ANKFN1: variants seen among roughly 807,000 people sequenced by gnomAD.
ANKFN1 encodes the protein ankyrin repeat and fibronectin type III domain containing 1, also known as ankyrin repeat and fibronectin type-III domain-containing protein 1.
In ANKFN1, 74 loss-of-function variants were observed where a neutral mutation model predicts 108.7. That is an observed-to-expected ratio of 0.68 (90% CI 0.56 to 0.83). ANKFN1 has a LOEUF of 0.83. Among genes scored for constraint, ANKFN1 ranks in the 40% least tolerant of loss-of-function variants. ANKFN1 has a pLI of 0.00. For synonymous variants in ANKFN1, 547 were observed against 516.2 expected (o/e 1.06, Z -0.81); for missense variants, 1,505 against 1,382.3 (o/e 1.09, Z -1.41).
At chr17:56,363,437 A>T (rs2144729015) in intron 6 of ANKFN1, among the ~76,000 whole-genome samples, 1 of 152,294 alleles carries the variant, frequency 6.6e-6, no homozygotes, top group African/African-American at 2.4e-5. Context: ...GTCGGTGAGG[A>T]TGTGGAGAAA....
Position 56,243,753 on chromosome 17 carries a change from A to G in ANKFN1, c.53+15796A>G, listed in dbSNP as rs1917755211. Among the ~76,000 whole-genome samples, 3 of 152,224 alleles carry G rather than the reference A, an allele frequency of 2.0e-5. No homozygotes were observed. In the South Asian group the frequency reaches 6.2e-4, roughly 32 times the overall value. ...GTTTTCGGTTTAACTTATGATCTGTAGAATGATGTATACACGCACACATAC... is the reference window on the plus strand; with the variant it reads ...GTTTTCGGTTTAACTTATGATCTGTGGAATGATGTATACACGCACACATAC... On this transcript the variant is annotated intron_variant, in intron 3 of 20. Coordinates refer to ENST00000682825, the MANE Select transcript of ANKFN1 (RefSeq NM_001370326.1).
intron 3 of ANKFN1, among the ~76,000 whole-genome samples, chr17:56,234,741 C>G (rs951298408): frequency 1.3e-5 from 2 of 152,052 alleles, no homozygotes; most frequent in African/African-American, 4.8e-5. Context: ...TTTTCTTTAT[C>G]CAATCTGTCA....
chr17:56,287,690 A>C (rs1303160823), intron 3 of ANKFN1, among the ~76,000 whole-genome samples: 1 of 152,218 alleles, frequency 6.6e-6, no homozygotes, highest in Admixed American at 6.5e-5. Flanking sequence ...ATCATCTTAG[A>C]TCTTTTTTCA....
At chr17:56,055,652 G>T (rs1904864174) in intron 4 of ANKFN1, among the ~76,000 whole-genome samples, 1 of 140,796 alleles carries the variant, frequency 7.1e-6, no homozygotes, top group South Asian at 2.2e-4. Flanking sequence ...TTGGTTTCAT[G>T]ACTTTGCTGT....
At chr17:56,250,256 A>C (rs965046725) in intron 3 of ANKFN1, among the ~76,000 whole-genome samples, 8 of 152,298 alleles carry the variant, frequency 5.3e-5, no homozygotes, top group African/African-American at 1.9e-4. Flanking sequence ...CTCCTCTCGT[A>C]TATTTTGTCC....
At chr17:56,084,167 G>T (rs558185961) in intron 4 of ANKFN1, among the ~76,000 whole-genome samples, 1 of 151,140 alleles carries the variant, frequency 6.6e-6, no homozygotes, top group Non-Finnish European at 1.5e-5. Context: ...AAAGAAATAG[G>T]CACCCTCTAG....
chr17:56,273,036 A>G (rs2043831192), intron 3 of ANKFN1, among the ~76,000 whole-genome samples: 1 of 152,200 alleles, frequency 6.6e-6, no homozygotes, highest in South Asian at 2.1e-4. Flanking sequence ...ACACCCTAAG[A>G]CATCAATTTG....
At chr17:56,346,125 G>C (rs762859388) in intron 4 of ANKFN1, among the ~76,000 whole-genome samples, 1 of 152,058 alleles carries the variant, frequency 6.6e-6, no homozygotes, top group Non-Finnish European at 1.5e-5. Flanking sequence ...AGTTTTCCCA[G>C]CACTATTTAT....
At chr17:56,276,675 C>CT (rs1336261909) in intron 3 of ANKFN1, among the ~76,000 whole-genome samples, 1 of 152,138 alleles carries the variant, frequency 6.6e-6, no homozygotes, top group Non-Finnish European at 1.5e-5. Context: ...TGTTCATATC[C>CT]TTTGCCCACT....
chr17:56,285,998 C>T (rs1472850663), intron 3 of ANKFN1, among the ~76,000 whole-genome samples: 1 of 152,086 alleles, frequency 6.6e-6, no homozygotes, highest in African/African-American at 2.4e-5. Context: ...AATTATACCC[C>T]CTTTCACTTT....
At chr17:56,229,368 T>C (rs1916529355) in intron 3 of ANKFN1, among the ~76,000 whole-genome samples, 1 of 152,096 alleles carries the variant, frequency 6.6e-6, no homozygotes, top group African/African-American at 2.4e-5. Context: ...CTGTATTATT[T>C]CTTTTGAACA....
In ANKFN1 at chr17:56,123,985, A is replaced by G. The variant is rs187127010; in HGVS notation, c.288+77660A>G. Among the ~76,000 whole-genome samples, 17 of 152,276 alleles carry G rather than the reference A, an allele frequency of 1.1e-4. 1 individual carries two copies. The highest frequency in any genetic ancestry group is 2.4e-4 in the Non-Finnish European group (16 of 68,020). On this transcript the variant is annotated intron_variant, in intron 4 of 12. Transcript: ENST00000635860. ...GCATCTCTTCTGAATTTGGGCTGGCAATTAGTCACACCTGCTGACCAGTAG... is the reference window on the plus strand; with the variant it reads ...GCATCTCTTCTGAATTTGGGCTGGCGATTAGTCACACCTGCTGACCAGTAG...
At chr17:56,056,768 G>A (rs1048273289) in intron 4 of ANKFN1, among the ~76,000 whole-genome samples, 1 of 152,214 alleles carries the variant, frequency 6.6e-6, no homozygotes, top group Non-Finnish European at 1.5e-5. Context: ...CCTAGGCAAA[G>A]AATTTATGAT....
At chr17:56,388,452 A>T (rs900268054) in intron 8 of ANKFN1, among the ~76,000 whole-genome samples, 1 of 152,142 alleles carries the variant, frequency 6.6e-6, no homozygotes, top group Admixed American at 6.6e-5. Flanking sequence ...TGATTTATCA[A>T]TATCTGTGCA....
At chr17:56,266,720 G>C (rs2043661552) in intron 3 of ANKFN1, among the ~76,000 whole-genome samples, 1 of 152,068 alleles carries the variant, frequency 6.6e-6, no homozygotes, top group Non-Finnish European at 1.5e-5. Context: ...TAAATTTGCT[G>C]TTAAAGACCG....
rs530170941 is a variant in ANKFN1 at position 56,211,010 on chromosome 17, T to C, written c.-70-1588T>C. On this transcript the variant is annotated intron_variant, in intron 1 of 20. Transcript: ENST00000682825. The stretch of plus-strand genomic sequence containing the variant: ...ATAGATTCTGGATATTAGTACTTTG[T>C]CAGATGTATAGATTGCAAAGATTTT... 3.3e-5 allele frequency among the ~76,000 whole-genome samples: 5 copies of C among 152,342 alleles called. No individual in the cohort carries two copies. The South Asian group carries it at 1.0e-3, about 32-fold the overall frequency.
At chr17:56,296,008 T>C (rs2044499218) in intron 3 of ANKFN1, among the ~76,000 whole-genome samples, 2 of 152,246 alleles carry the variant, frequency 1.3e-5, no homozygotes, top group African/African-American at 4.8e-5. Flanking sequence ...CCACTATGGA[T>C]ACACATGTAT....
chr17:56,155,130 G>A (rs1029519889), intron 1 of ANKFN1, among the ~76,000 whole-genome samples: 1 of 152,170 alleles, frequency 6.6e-6, no homozygotes, highest in African/African-American at 2.4e-5. Context: ...GACAGAGGAG[G>A]AAGTAGAGCA....
At position 56,510,758 on chromosome 17, in the gene ANKFN1, G is replaced by A; in HGVS notation, c.2930G>A (p.Gly977Glu). ...TTTCTCCATAGCCTGACCCTCACGGGGTTCACACCCAAGAACCACGCCAAG... is the reference window on the plus strand; with the variant it reads ...TTTCTCCATAGCCTGACCCTCACGGAGTTCACACCCAAGAACCACGCCAAG... Reference protein sequence around the residue: ...AEFLHSLTLTGFTPKNHAKTV... With the variant: ...AEFLHSLTLTEFTPKNHAKTV... Residue 977 changes from glycine (G) to glutamate (E), a missense_variant, in exon 21 of 21, where the codon GGG becomes GAG. Transcript: ENST00000682825. 1 of 1,536,108 alleles carries A rather than the reference G, an allele frequency of 6.5e-7. No individual in the cohort carries two copies. The highest frequency in any genetic ancestry group is 8.7e-7 in the Non-Finnish European group (1 of 1,146,898).
Sources: allele counts gnomAD v4.1 joint callset (sites outside exome capture counted in the v4.1 genomes callset), GRCh38; gene constraint gnomAD v4.1.1; transcripts MANE v1.5; gene names NCBI Gene and HGNC (gene_info 2026-07-23, HGNC 2026-07-21).